The following SHOC1 variants were observed in gnomAD, a reference collection of about 807,000 sequenced individuals.
SHOC1 encodes the protein shortage in chiasmata 1.
A neutral mutation model predicts 179.2 loss-of-function variants in SHOC1; 136 were observed. The ratio of observed to expected loss-of-function variants is 0.76; its 90% CI spans 0.66 to 0.87. The LOEUF (loss-of-function observed/expected upper bound fraction) is 0.87. SHOC1 is among the 40% of genes least tolerant of loss of function. The probability of loss-of-function intolerance (pLI) is 0.00; values close to 1 mark genes in which losing one functional copy is unlikely to be tolerated. For missense variants in SHOC1, 1,538 were observed against 1,700.8 expected, an observed-to-expected ratio of 0.90 and a Z score of 1.68; for synonymous variants, 489 against 586.6, an observed-to-expected ratio of 0.83 and a Z score of 2.41.
At chr9:111,769,498 T>C (rs1207955303) in intron 5 of SHOC1, among the ~76,000 whole-genome samples, 1 of 152,076 alleles carries the variant, frequency 6.6e-6, no homozygotes, top group African/African-American at 2.4e-5. Context: ...TTTTTTGACA[T>C]AGGGTCTCAC....
intron 4 of SHOC1, among the ~76,000 whole-genome samples, chr9:111,776,955 A>G (rs1272332375): frequency 1.3e-5 from 2 of 152,202 alleles, no homozygotes; most frequent in Non-Finnish European, 2.9e-5. Flanking sequence ...TATTACTCAA[A>G]TCAGTCTCCC....
intron 5 of SHOC1, among the ~76,000 whole-genome samples, chr9:111,764,308 C>A (rs1022662162): frequency 6.6e-6 from 1 of 152,168 alleles, no homozygotes; most frequent in African/African-American, 2.4e-5. Context: ...TAATCTCTTA[C>A]TGTGCTTAAT....
chr9:111,764,605 C>A (rs530990483), intron 5 of SHOC1, among the ~76,000 whole-genome samples: 1 of 151,934 alleles, frequency 6.6e-6, no homozygotes, highest in Non-Finnish European at 1.5e-5. Context: ...ATGGGGGGAA[C>A]GTGGTAGTGA....
intron 13 of SHOC1, among the ~76,000 whole-genome samples, chr9:111,726,638 T>C (rs917294136): frequency 6.6e-6 from 1 of 152,196 alleles, no homozygotes; most frequent in Non-Finnish European, 1.5e-5. Flanking sequence ...CATCATGACA[T>C]TAAGAACTGA....
chr9:111,781,831 C>A (rs1469547453), intron 3 of SHOC1, among the ~76,000 whole-genome samples: 2 of 150,626 alleles, frequency 1.3e-5, no homozygotes, highest in Non-Finnish European at 2.9e-5. Flanking sequence ...ATACTACTGT[C>A]AGAATATACA....
chr9:111,744,908 G>T (rs1834202743), intron 10 of SHOC1, among the ~76,000 whole-genome samples: 1 of 152,214 alleles, frequency 6.6e-6, no homozygotes, highest in South Asian at 2.1e-4. Flanking sequence ...GGGCAAGGAT[G>T]CTGGGCTATT....
chr9:111,718,225 A>C lies in SHOC1; in HGVS notation c.2195T>G (p.Ile732Ser). 6.2e-7 allele frequency: 1 copy of C among 1,600,998 alleles called. No individual in the cohort carries two copies. Among genetic ancestry groups the C allele is most frequent in the Non-Finnish European group, 8.5e-7 (1 of 1,175,536 alleles). The change falls in exon 16 of 28, where the codon ATT becomes AGT. Residue 732 changes from isoleucine (I) to serine (S), a missense_variant. By Grantham distance (142) the Ile-to-Ser change is moderately radical. Transcript: ENST00000682961. ...GCTGCATGTTAAAAGGACATCTCTA[A>C]TTGTTACCAGAAGATGTAAGAGAGC... is the stretch of plus-strand genomic sequence containing the variant. ...HAALLHLLVT[I>S]RDVLLTCSLD...
intron 6 of SHOC1, among the ~76,000 whole-genome samples, chr9:111,758,459 A>G (rs1834976190): frequency 1.3e-5 from 2 of 152,196 alleles, no homozygotes; most frequent in African/African-American, 4.8e-5. Context: ...AGCTGGGCAC[A>G]GTGGCGCACG....
In SHOC1 at chr9:111,706,573, A is replaced by G; in HGVS notation, c.2732T>C (p.Leu911Ser). ...ATTTTGGCTTATATTCTTACTTTCT[A>G]AAACTGTGTCTGGAAGAATCACTTT... ...AFKVILPDTV[L>S]ERSTLLDRFG... Residue 911 changes from leucine to serine, a missense_variant, in exon 20 of 28, where the codon TTA becomes TCA. By Grantham distance (145) the Leu-to-Ser change is moderately radical (BLOSUM62 -2). Transcript: ENST00000682961. The G allele has an allele frequency of 6.6e-7, 1 of 1,524,592 alleles. No individual in the cohort carries two copies. Among genetic ancestry groups the G allele is most frequent in the Non-Finnish European group, 8.8e-7 (1 of 1,138,656 alleles). 94.4% of individuals were successfully genotyped at this position (1,524,592 alleles called of 1,614,324 possible).
chr9:111,783,776 C>A (rs1836164892), intron 3 of SHOC1, among the ~76,000 whole-genome samples: 1 of 152,176 alleles, frequency 6.6e-6, no homozygotes, highest in South Asian at 2.1e-4. Flanking sequence ...CAGGAAGTTA[C>A]ATGAAGTAGA....
At chr9:111,774,360 A>G (rs1361584480) in intron 5 of SHOC1, among the ~76,000 whole-genome samples, 1 of 152,186 alleles carries the variant, frequency 6.6e-6, no homozygotes, top group Non-Finnish European at 1.5e-5. Context: ...GTGCAGTGGC[A>G]CGATCATGGC....
Position 111,697,279 on chromosome 9 carries a change from A to T in SHOC1, c.3183+2675T>A, listed in dbSNP as rs183830213. Among the ~76,000 whole-genome samples, 446 of 151,360 alleles carry T rather than the reference A, an allele frequency of 2.9e-3. 2 individuals are homozygous for T. The highest frequency in any genetic ancestry group is 9.7e-3 in the African/African-American group (399 of 41,212). ...TATATGTATACATGTGCCATGTTGG[A>T]GTGCTGCCCCCATTAACTCGTCATT... On this transcript the variant is annotated intron_variant, in intron 24 of 27. Coordinates refer to ENST00000682961, the MANE Select transcript of SHOC1 (RefSeq NM_001378211.1).
At chr9:111,723,567 A>C (rs1833164011) in intron 14 of SHOC1, among the ~76,000 whole-genome samples, 1 of 152,202 alleles carries the variant, frequency 6.6e-6, no homozygotes, top group African/African-American at 2.4e-5. Flanking sequence ...AGTTTAAATG[A>C]AAGAAGAAAT....
At chr9:111,719,545 C>T (rs1027515816) in intron 15 of SHOC1, among the ~76,000 whole-genome samples, 3 of 152,156 alleles carry the variant, frequency 2.0e-5, no homozygotes, top group African/African-American at 7.2e-5. Flanking sequence ...GAAACTATAT[C>T]CAGAAGACAT....
intron 5 of SHOC1, among the ~76,000 whole-genome samples, chr9:111,774,787 C>G (rs1016813873): frequency 5.3e-5 from 8 of 151,432 alleles, no homozygotes; most frequent in African/African-American, 7.3e-5. Flanking sequence ...GTAAAAGAAT[C>G]AAATTATTTT....
At chr9:111,788,142 C>T (rs1836330360) in intron 2 of SHOC1, among the ~76,000 whole-genome samples, 1 of 147,340 alleles carries the variant, frequency 6.8e-6, no homozygotes. Context: ...TCTCGGCTCA[C>T]TGCAACCTCA....
intron 24 of SHOC1, among the ~76,000 whole-genome samples, chr9:111,695,619 A>T (rs904280250): frequency 2.0e-5 from 3 of 152,196 alleles, no homozygotes; most frequent in Non-Finnish European, 4.4e-5. Context: ...CTGTGCTTGG[A>T]GTTATTTCTA....
intron 18 of SHOC1, 45 bp downstream of exon 18, chr9:111,713,055 T>A: frequency 8.5e-7 from 1 of 1,183,242 alleles, no homozygotes; most frequent in South Asian, 1.3e-5. Flanking sequence ...CTTTTATAAG[T>A]TCAAGCATTT....
At chr9:111,775,188 T>C (rs1335154703) in intron 5 of SHOC1, among the ~76,000 whole-genome samples, 1 of 152,030 alleles carries the variant, frequency 6.6e-6, no homozygotes, top group Non-Finnish European at 1.5e-5. Flanking sequence ...AGAGATGGGG[T>C]TTCACCATGT....
Sources: gnomAD v4.1 joint callset for allele counts (sites outside exome capture counted in the v4.1 genomes callset) on GRCh38, gnomAD v4.1.1 for gene constraint, MANE v1.5 for transcripts, NCBI Gene and HGNC (gene_info 2026-07-23, HGNC 2026-07-21) for gene names.